Variants in MSI2 observed in about 807,000 individuals in gnomAD.
MSI2 encodes the protein musashi RNA binding protein 2.
MSI2 carries 17 observed loss-of-function variants against 45.6 expected under a neutral mutation model. That is an observed-to-expected ratio of 0.37 (90% CI 0.26 to 0.56). The LOEUF is 0.56. Ranked by LOEUF, MSI2 falls within the 20% of genes least tolerant of loss-of-function variation. The pLI is 0.77. For synonymous variants in MSI2, 156 were observed against 158.2 expected (o/e 0.99, Z 0.11); for missense variants, 293 against 444.2 (o/e 0.66, Z 3.06).
At chr17:57,449,663 G>A (rs542642638) in intron 6 of MSI2, 4 of 152,156 alleles carry the variant, frequency 2.6e-5, no homozygotes, top group African/African-American at 7.2e-5. Context: ...GAGTAGACAC[G>A]TCAGACACGA....
In MSI2 at chr17:57,518,983, C is replaced by T. The variant is rs142680596; in HGVS notation, c.406-10693C>T. ...TCATCGCCTCCTCTCTACACCCCAT[C>T]TCAGATATCCCCAGTGACAGCCTGC... On this transcript the variant is annotated intron_variant, in intron 6 of 13. Coordinates refer to ENST00000284073, the MANE Select transcript of MSI2 (RefSeq NM_138962.4). Among the ~76,000 whole-genome samples, 76 of 152,332 alleles carry T rather than the reference C, an allele frequency of 5.0e-4. 1 individual carries two copies. Among genetic ancestry groups the T allele is most frequent in the East Asian group, 1.9e-3 (10 of 5,170 alleles).
chr17:57,688,902 C>G (rs146642882), downstream of MSI2, among the ~76,000 whole-genome samples: 2 of 152,078 alleles, frequency 1.3e-5, no homozygotes, highest in Non-Finnish European at 2.9e-5. Flanking sequence ...AAGTGTGACT[C>G]TATGAAAATA....
chr17:57,396,782 T>G (rs2083898738), intron 5 of MSI2, among the ~76,000 whole-genome samples: 1 of 152,146 alleles, frequency 6.6e-6, no homozygotes, highest in African/African-American at 2.4e-5. Context: ...CACTGCCCTT[T>G]GTGCACACAG....
chr17:57,261,242 G>A (rs973060787), intron 4 of MSI2, among the ~76,000 whole-genome samples: 1 of 152,086 alleles, frequency 6.6e-6, no homozygotes, highest in Admixed American at 6.6e-5. Flanking sequence ...AGCATCATGC[G>A]TTTTGCAAGT....
At position 57,540,025 on chromosome 17, in the gene MSI2, A is replaced by G. The variant is rs561608483; in HGVS notation, c.454+10301A>G. Among the ~76,000 whole-genome samples the G allele has an allele frequency of 1.1e-4, 16 of 152,262 alleles. No individual in the cohort carries two copies. The South Asian group carries it at 3.3e-3, about 32-fold the overall frequency. On this transcript the variant is annotated intron_variant, in intron 7 of 13. Coordinates refer to ENST00000284073, the MANE Select transcript of MSI2 (RefSeq NM_138962.4). ...AGTGTCTGGGCCATGTGGCAAAGGG[A>G]TAAGAGCTTAGGTCCAGATTCCCAC... is the stretch of plus-strand genomic sequence containing the variant.
intron 6 of MSI2, among the ~76,000 whole-genome samples, chr17:57,483,934 T>G (rs765014617): frequency 2.0e-5 from 3 of 152,072 alleles, no homozygotes; most frequent in African/African-American, 7.2e-5. Context: ...TAGGGGCAAA[T>G]CAAAAATGTA....
chr17:57,409,692 A>C (rs1190912135), intron 6 of MSI2, among the ~76,000 whole-genome samples: 6 of 152,128 alleles, frequency 3.9e-5, no homozygotes, highest in Admixed American at 3.9e-4. Flanking sequence ...TACTTGGTAC[A>C]AGTAGTGCGT....
chr17:57,307,707 G>A (rs984053773), intron 5 of MSI2, among the ~76,000 whole-genome samples: 3 of 152,106 alleles, frequency 2.0e-5, no homozygotes, highest in Admixed American at 6.6e-5. Context: ...TGGCCTCCTT[G>A]GGATTATAGG....
rs1193430320 is a variant in MSI2, at chr17:57,257,531, A to G, written c.169A>G (p.Thr57Ala). 6.2e-7 allele frequency: 1 copy of G among 1,602,266 alleles called. No individual in the cohort carries two copies. The highest frequency in any genetic ancestry group is 8.5e-7 in the Non-Finnish European group (1 of 1,170,204). ...AGAATGTATGGTCATGAGAGATCCC[A>G]CTACGAAACGCTCCAGGTAAACCAT... ...IRECMVMRDP[T>A]TKRSRGFGFV... The change falls in exon 3 of 14, where the codon ACT becomes GCT. Residue 57 changes from threonine to alanine, a missense_variant. Transcript: ENST00000284073.
chr17:57,428,991 TGGA>T (rs1418058906), intron 6 of MSI2, among the ~76,000 whole-genome samples: 6 of 152,204 alleles, frequency 3.9e-5, no homozygotes, highest in Non-Finnish European at 7.3e-5. Context: ...CCAGAGTGCC[TGGA>T]GGAGAAGATC....
intron 5 of MSI2, among the ~76,000 whole-genome samples, chr17:57,337,476 G>T (rs1164246900): frequency 1.3e-5 from 2 of 152,020 alleles, no homozygotes; most frequent in South Asian, 4.2e-4. Context: ...TAGCCTTCAC[G>T]GCTGGGTGTC....
At chr17:57,500,210 G>A (rs886374001) in intron 6 of MSI2, among the ~76,000 whole-genome samples, 8 of 152,012 alleles carry the variant, frequency 5.3e-5, no homozygotes, top group African/African-American at 1.9e-4. Flanking sequence ...AAGCCAGAGA[G>A]GTAAAGTAGT....
intron 5 of MSI2, among the ~76,000 whole-genome samples, chr17:57,273,327 GT>G (rs1908535893): frequency 6.6e-6 from 1 of 152,122 alleles, no homozygotes. Flanking sequence ...AATAGGGGTA[GT>G]AAAGCTGATT....
intron 5 of MSI2, among the ~76,000 whole-genome samples, chr17:57,390,819 C>A (rs1038338680): frequency 1.3e-5 from 2 of 152,198 alleles, no homozygotes; most frequent in East Asian, 3.9e-4. Flanking sequence ...TGGCTTCTCT[C>A]TGAAGCTTGG....
intron 7 of MSI2, among the ~76,000 whole-genome samples, chr17:57,548,677 G>T (rs1024040830): frequency 6.6e-6 from 1 of 152,016 alleles, no homozygotes; most frequent in Non-Finnish European, 1.5e-5. Flanking sequence ...TTTGGTGTGG[G>T]GGGCTGGGAG....
chr17:57,382,828 A>T (rs1218051118), intron 5 of MSI2, among the ~76,000 whole-genome samples: 1 of 152,242 alleles, frequency 6.6e-6, no homozygotes, highest in African/African-American at 2.4e-5. Flanking sequence ...ATTTTGAGAA[A>T]GCAAAAGTCT....
intron 6 of MSI2, among the ~76,000 whole-genome samples, chr17:57,520,352 C>T (rs1046198220): frequency 1.3e-5 from 2 of 152,078 alleles, no homozygotes; most frequent in East Asian, 3.8e-4. Context: ...GGCAGGTGTC[C>T]CTTTGTTGAA....
chr17:57,584,194 G>A (rs528721309), intron 7 of MSI2, among the ~76,000 whole-genome samples: 103 of 152,242 alleles, frequency 6.8e-4, no homozygotes, highest in Non-Finnish European at 1.3e-3. Flanking sequence ...AGCAGTCTCC[G>A]CTCCCTCCTG....
chr17:57,497,434 C>T (rs748495160), intron 6 of MSI2, among the ~76,000 whole-genome samples: 3 of 152,136 alleles, frequency 2.0e-5, no homozygotes, highest in Non-Finnish European at 4.4e-5. Context: ...AGGAAGTGAA[C>T]CAGGAAGGTG....
Sources: gnomAD v4.1 joint callset for allele counts (sites outside exome capture counted in the v4.1 genomes callset) on GRCh38, gnomAD v4.1.1 for gene constraint, MANE v1.5 for transcripts, NCBI Gene and HGNC (gene_info 2026-07-23, HGNC 2026-07-21) for gene names.